Variants in ERC2 observed in about 807,000 individuals in gnomAD.
The protein encoded by ERC2 is ELKS/RAB6-interacting/CAST family member 2.
ERC2 carries 42 observed loss-of-function variants against 114.8 expected under a neutral mutation model. The observed-to-expected ratio is 0.37, with a 90% CI of 0.29 to 0.47. The LOEUF is 0.47. Ranked by LOEUF, ERC2 falls within the 20% of genes least tolerant of loss-of-function variation. The pLI is 0.99. For synonymous variants in ERC2, 454 were observed against 425.5 expected (o/e 1.07, Z -0.82); for missense variants, 939 against 1,150.7 (o/e 0.82, Z 2.66).
At chr3:56,127,949 C>T (rs1470151512) in intron 6 of ERC2, among the ~76,000 whole-genome samples, 1 of 151,998 alleles carries the variant, frequency 6.6e-6, no homozygotes, top group African/African-American at 2.4e-5. Flanking sequence ...CTATCTCTCA[C>T]CATATACAAA....
chr3:56,204,896 GTT>G (rs5849135), intron 3 of ERC2, among the ~76,000 whole-genome samples: 6 of 149,606 alleles, frequency 4.0e-5, no homozygotes, highest in South Asian at 2.1e-4. Flanking sequence ...CAGAAAAAAA[GTT>G]TTTTTTTTAA....
At chr3:56,372,952 T>G (rs1311670828) in intron 2 of ERC2, among the ~76,000 whole-genome samples, 4 of 152,218 alleles carry the variant, frequency 2.6e-5, no homozygotes, top group Admixed American at 6.5e-5. Flanking sequence ...AATGTATCAT[T>G]ATTCAGCAAC....
rs184285710 is a variant in ERC2, at chr3:56,104,446, T to C, written c.1474-23462A>G. Among the ~76,000 whole-genome samples, 5 of 152,354 alleles carry C rather than the reference T, an allele frequency of 3.3e-5. No individual in the cohort carries two copies. The East Asian group carries it at 9.6e-4, about 29-fold the overall frequency. On this transcript the variant is annotated intron_variant, in intron 6 of 17. Coordinates refer to ENST00000288221, the MANE Select transcript of ERC2 (RefSeq NM_015576.3). ...CAAAGACCTATAAACATTTCACCTCTAATTTTCCCTTCTTAGACACTGCTA... is the reference window on the plus strand; with the variant it reads ...CAAAGACCTATAAACATTTCACCTCCAATTTTCCCTTCTTAGACACTGCTA...
At chr3:56,078,312 T>G (rs2077071476) in intron 7 of ERC2, among the ~76,000 whole-genome samples, 2 of 152,240 alleles carry the variant, frequency 1.3e-5, no homozygotes, top group Admixed American at 6.5e-5. Flanking sequence ...GTCTCTACTT[T>G]TAACTCTTTG....
intron 14 of ERC2, among the ~76,000 whole-genome samples, chr3:55,799,564 A>G (rs892300488): frequency 8.6e-5 from 13 of 151,258 alleles, no homozygotes; most frequent in Non-Finnish European, 1.9e-4. Flanking sequence ...GATCCACTCC[A>G]CAGAAGTTCT....
At chr3:56,066,468 G>T (rs1364311215) in intron 7 of ERC2, among the ~76,000 whole-genome samples, 1 of 152,072 alleles carries the variant, frequency 6.6e-6, no homozygotes, top group Non-Finnish European at 1.5e-5. Context: ...TTTGTAAAAG[G>T]GGTGGATTGC....
chr3:55,830,858 C>A (rs1374093107), intron 14 of ERC2, among the ~76,000 whole-genome samples: 1 of 152,060 alleles, frequency 6.6e-6, no homozygotes, highest in African/African-American at 2.4e-5. Flanking sequence ...GCAGTAGGAT[C>A]CCTTGACCCC....
chr3:55,728,948 AGT>A (rs2065083986), intron 15 of ERC2, among the ~76,000 whole-genome samples: 1 of 152,330 alleles, frequency 6.6e-6, no homozygotes, highest in South Asian at 2.1e-4. Flanking sequence ...CGGAAGCAGC[AGT>A]GTTTCCTAAA....
intron 14 of ERC2, among the ~76,000 whole-genome samples, chr3:55,767,632 T>G (rs2067900588): frequency 6.6e-6 from 1 of 152,150 alleles, no homozygotes; most frequent in South Asian, 2.1e-4. Context: ...AGACTCAGCT[T>G]AAACTAGAGA....
chr3:55,664,028 A>G (rs2061252854), intron 17 of ERC2, among the ~76,000 whole-genome samples: 1 of 152,232 alleles, frequency 6.6e-6, no homozygotes, highest in South Asian at 2.1e-4. Flanking sequence ...TTATGTCTTT[A>G]TGATGTACAT....
At chr3:56,373,794 A>G (rs1008653489) in intron 2 of ERC2, among the ~76,000 whole-genome samples, 9 of 152,150 alleles carry the variant, frequency 5.9e-5, no homozygotes, top group Admixed American at 5.9e-4. Context: ...TTATGTATTC[A>G]TGTGTTTATT....
chr3:56,411,438 C>T (rs191973684), intron 2 of ERC2, among the ~76,000 whole-genome samples: 20 of 151,950 alleles, frequency 1.3e-4, no homozygotes, highest in African/African-American at 4.1e-4. Flanking sequence ...AAGTATAATC[C>T]TCACATTTCA....
chr3:56,462,249 A>G (rs1220865874), intron 1 of ERC2, among the ~76,000 whole-genome samples: 3 of 152,248 alleles, frequency 2.0e-5, no homozygotes, highest in African/African-American at 4.8e-5. Context: ...ATGTGAAGCC[A>G]TCAGTAGAAG....
At chr3:55,605,511 T>C (rs960750921) in intron 17 of ERC2, among the ~76,000 whole-genome samples, 2 of 152,244 alleles carry the variant, frequency 1.3e-5, no homozygotes, top group Non-Finnish European at 1.5e-5. Flanking sequence ...AATGTGATGA[T>C]AACAAAAGGA....
At chr3:56,218,603 C>A (rs1283825719) in intron 3 of ERC2, among the ~76,000 whole-genome samples, 1 of 152,140 alleles carries the variant, frequency 6.6e-6, no homozygotes, top group Admixed American at 6.5e-5. Flanking sequence ...GGATCTAGAA[C>A]TAGAAATACC....
chr3:55,936,141 C>T (rs528777893), intron 13 of ERC2, among the ~76,000 whole-genome samples: 2 of 152,144 alleles, frequency 1.3e-5, no homozygotes, highest in African/African-American at 4.8e-5. Context: ...TGCTCTCTCC[C>T]GAGCCCCCTG....
chr3:55,728,931 G>A (rs1041987767), intron 15 of ERC2, among the ~76,000 whole-genome samples: 1 of 152,280 alleles, frequency 6.6e-6, no homozygotes, highest in Admixed American at 6.5e-5. Context: ...CTCTTTTGTG[G>A]CCCCAACGGA....
chr3:55,594,279 A>G (rs2058035080), intron 17 of ERC2, among the ~76,000 whole-genome samples: 1 of 152,212 alleles, frequency 6.6e-6, no homozygotes, highest in African/African-American at 2.4e-5. Context: ...ATGGAGATAG[A>G]TGGCAACAGG....
At chr3:56,219,279 G>C (rs1310926381) in intron 3 of ERC2, among the ~76,000 whole-genome samples, 1 of 151,924 alleles carries the variant, frequency 6.6e-6, no homozygotes, top group African/African-American at 2.4e-5. Flanking sequence ...GAAACCTATT[G>C]AAATTTAAGA....
Sources: allele counts gnomAD v4.1 joint callset (sites outside exome capture counted in the v4.1 genomes callset), GRCh38; gene constraint gnomAD v4.1.1; transcripts MANE v1.5; gene names NCBI Gene and HGNC (gene_info 2026-07-23, HGNC 2026-07-21).